The following RAB20 variants were observed in gnomAD, a reference collection of about 807,000 sequenced individuals.
RAB20 encodes ras-related protein Rab-20.
In RAB20, 2 loss-of-function variants were observed where a neutral mutation model predicts 3.7. That is an observed-to-expected ratio of 0.54 (90% CI 0.22 to 1.69). The LOEUF is 1.69. RAB20 is among the 40% of genes most tolerant of loss of function. The pLI, the probability that RAB20 is intolerant of heterozygous loss-of-function variation, is 0.19. For synonymous variants in RAB20, 126 were observed against 130.8 expected, an observed-to-expected ratio of 0.96 and a Z score of 0.25; for missense variants, 276 against 311.9, an observed-to-expected ratio of 0.88 and a Z score of 0.87.
intron 1 of RAB20, among the ~76,000 whole-genome samples, chr13:110,551,603 C>T (rs571247459): frequency 6.6e-6 from 1 of 152,134 alleles, no homozygotes; most frequent in Non-Finnish European, 1.5e-5. Flanking sequence ...CCTGGGCCAG[C>T]GTTCGCGGCC....
chr13:110,539,943 G>GC, intron 1 of RAB20, among the ~76,000 whole-genome samples: 1 of 152,328 alleles, frequency 6.6e-6, no homozygotes, highest in East Asian at 1.9e-4. Flanking sequence ...TAAAAATAAA[G>GC]CAAGTGTCAT....
At position 110,551,607 on chromosome 13, in the gene RAB20, C is replaced by T. The variant is rs1404333170; in HGVS notation, c.172+9741G>A. Among the ~76,000 whole-genome samples the T allele has an allele frequency of 5.9e-5, 9 of 152,228 alleles. No individual in the cohort carries two copies. In the East Asian group the frequency reaches 1.7e-3, roughly 29 times the overall value. ...GCTGGAACCTGCCTGGGCCAGCGTT[C>T]GCGGCCAGCTGGACCATGGAACTCT... On this transcript the variant is annotated intron_variant, in intron 1 of 1. Transcript: ENST00000267328.
chr13:110,555,594 GAGAC>G lies in RAB20; in HGVS notation c.172+5750_172+5753del, dbSNP rs1180461230. Among the ~76,000 whole-genome samples, 1 of 152,218 alleles carries G rather than the reference GAGAC, an allele frequency of 6.6e-6. No individual in the cohort carries two copies. The highest frequency in any genetic ancestry group is 1.9e-4 in the East Asian group (1 of 5,190). On this transcript the variant is annotated intron_variant, in intron 1 of 1. Transcript: ENST00000267328. The surrounding 1 kb of genome is among the most constrained non-coding windows in gnomAD (Gnocchi z 4.0). ...CATGCCAAAGCTCAGACTTCTAGTT[GAGAC>G]AGACAGAGGAACTGTTTCCTCGCAG... is the stretch of plus-strand genomic sequence containing the variant.
intron 1 of RAB20, among the ~76,000 whole-genome samples, chr13:110,554,984 G>T (rs987804084): frequency 9.4e-5 from 5 of 53,318 alleles, no homozygotes; most frequent in African/African-American, 4.0e-4. Flanking sequence ...GAAGCTGAGC[G>T]GCCCTGGCAC....
chr13:110,543,685 G>C (rs1884803669), intron 1 of RAB20, among the ~76,000 whole-genome samples: 1 of 151,854 alleles, frequency 6.6e-6, no homozygotes. Context: ...TCATTAGCCA[G>C]ACCAATACTG....
chr13:110,561,537 C>G lies in RAB20; in HGVS notation c.-18G>C. The stretch of plus-strand genomic sequence containing the variant: ...TTCCTCATCTTCCCGTAAGAACCCC[C>G]AGCGCCCCCGCGCCCTCTCCCCGAG... On this transcript the variant is annotated 5_prime_UTR_variant, in exon 1 of 2. Transcript: ENST00000267328. 1 of 1,545,332 alleles carries G rather than the reference C, an allele frequency of 6.5e-7. No homozygotes were observed. Among genetic ancestry groups the G allele is most frequent in the Non-Finnish European group, 8.7e-7 (1 of 1,146,006 alleles).
chr13:110,552,673 AC>A (rs1479309150), intron 1 of RAB20, among the ~76,000 whole-genome samples: 6 of 149,116 alleles, frequency 4.0e-5, no homozygotes, highest in Admixed American at 1.3e-4. Flanking sequence ...AGCCTGGGGG[AC>A]AGAGTGAGAC....
intron 1 of RAB20, among the ~76,000 whole-genome samples, chr13:110,550,637 G>A (rs1884937587): frequency 6.6e-6 from 1 of 152,122 alleles, no homozygotes; most frequent in African/African-American, 2.4e-5. Flanking sequence ...CGCTGTGAGA[G>A]CAGAGGAAAA....
chr13:110,548,448 T>A (rs1884892101), intron 1 of RAB20, among the ~76,000 whole-genome samples: 1 of 151,540 alleles, frequency 6.6e-6, no homozygotes, highest in Non-Finnish European at 1.5e-5. Context: ...CACACCACTG[T>A]ACTCCAGCCT....
intron 1 of RAB20, among the ~76,000 whole-genome samples, chr13:110,550,166 C>G (rs1884927725): frequency 6.6e-6 from 1 of 152,186 alleles, no homozygotes; most frequent in African/African-American, 2.4e-5. Context: ...AAGAAGAACT[C>G]ACCCCCATGC....
chr13:110,550,087 A>G (rs953354989), intron 1 of RAB20, among the ~76,000 whole-genome samples: 1 of 152,118 alleles, frequency 6.6e-6, no homozygotes, highest in East Asian at 1.9e-4. Flanking sequence ...AAGTCTCCAT[A>G]AGAAGCCCAG....
intron 1 of RAB20, among the ~76,000 whole-genome samples, chr13:110,551,769 G>A (rs1480831502): frequency 9.9e-5 from 15 of 151,900 alleles, no homozygotes; most frequent in African/African-American, 3.4e-4. Flanking sequence ...ACAGAAAGAA[G>A]GGCAATTTGA....
intron 1 of RAB20, among the ~76,000 whole-genome samples, chr13:110,549,542 C>G (rs956346282): frequency 3.3e-5 from 5 of 152,184 alleles, no homozygotes; most frequent in Non-Finnish European, 7.3e-5. Context: ...TCCTGTCCTC[C>G]TTTCACCTGG....
At chr13:110,527,486 G>A (rs1475144121) in intron 1 of RAB20, among the ~76,000 whole-genome samples, 2 of 152,208 alleles carry the variant, frequency 1.3e-5, no homozygotes, top group Non-Finnish European at 2.9e-5. Context: ...CTGCCAGTCT[G>A]AGGGTCAAAG....
chr13:110,547,379 C>T (rs951995454), intron 1 of RAB20, among the ~76,000 whole-genome samples: 7 of 152,218 alleles, frequency 4.6e-5, no homozygotes, highest in Admixed American at 1.3e-4. Flanking sequence ...ACATTGATCT[C>T]GTTAGTGATG....
At chr13:110,539,564 G>GTT (rs1192467991) in intron 1 of RAB20, among the ~76,000 whole-genome samples, 3 of 90,474 alleles carry the variant, frequency 3.3e-5, no homozygotes, top group Non-Finnish European at 5.5e-5. Context: ...TGGGTTTTTT[G>GTT]TTTTTTTTTT....
At chr13:110,547,995 T>C (rs926766232) in intron 1 of RAB20, among the ~76,000 whole-genome samples, 2 of 152,224 alleles carry the variant, frequency 1.3e-5, no homozygotes, top group Admixed American at 6.5e-5. Context: ...AGGTATTCTA[T>C]AACTGTGAAG....
At chr13:110,539,990 A>G (rs1360795133) in intron 1 of RAB20, among the ~76,000 whole-genome samples, 1 of 152,266 alleles carries the variant, frequency 6.6e-6, no homozygotes. Context: ...AACTGCAGGT[A>G]GAGTAGTTCC....
chr13:110,546,467 T>C (rs1230893413), intron 1 of RAB20, among the ~76,000 whole-genome samples: 1 of 152,202 alleles, frequency 6.6e-6, no homozygotes, highest in African/African-American at 2.4e-5. Flanking sequence ...CATGAGATGG[T>C]AGCGTCCCGA....
Sources: gnomAD v4.1 joint callset for allele counts (sites outside exome capture counted in the v4.1 genomes callset) on GRCh38, gnomAD v4.1.1 for gene constraint, Gnocchi (gnomAD v3.1) non-coding constraint, MANE v1.5 for transcripts, NCBI Gene and HGNC (gene_info 2026-07-23, HGNC 2026-07-21) for gene names.